LAMB3: variants seen among roughly 807,000 people sequenced by gnomAD.
The protein encoded by LAMB3 is laminin subunit beta-3.
LAMB3 carries 104 observed loss-of-function variants against 140.3 expected under a neutral mutation model. That is an observed-to-expected ratio of 0.74 (90% CI 0.63 to 0.87). LAMB3 has a LOEUF of 0.87. Ranked by LOEUF, LAMB3 falls within the 40% of genes least tolerant of loss-of-function variation. LAMB3 has a pLI of 0.00. For synonymous variants in LAMB3, 592 were observed against 602.9 expected (o/e 0.98, Z 0.26); for missense variants, 1,531 against 1,575.2 (o/e 0.97, Z 0.47).
Position 209,630,720 on chromosome 1 carries a change from C to T in LAMB3, c.838G>A (p.Val280Ile). ...GGGCCGGCAGTGTTGTGCTGGCAGA[C>T]ACAGACATCGTGGACCTGGGAGGGG... ...STAVQVHDVCVCQHNTAGPNC... is the reference protein window; with the variant it reads ...STAVQVHDVCICQHNTAGPNC... The change falls in exon 9 of 23, where the codon GTC becomes ATC. Residue 280 changes from valine (V) to isoleucine (I), a missense_variant. Physicochemically the swap from Val to Ile is conservative, Grantham distance 29. Coordinates refer to ENST00000356082, the MANE Select transcript of LAMB3 (RefSeq NM_000228.3). 2 of 1,613,988 alleles carry T rather than the reference C, an allele frequency of 1.2e-6. No homozygotes were observed. The highest frequency in any genetic ancestry group is 1.1e-5 in the South Asian group (1 of 91,078).
At chr1:209,647,941 A>G (rs1258699058) in intron 3 of LAMB3, among the ~76,000 whole-genome samples, 1 of 152,264 alleles carries the variant, frequency 6.6e-6, no homozygotes, top group East Asian at 1.9e-4. Flanking sequence ...GTATCATTTA[A>G]TAACAAAATA....
chr1:209,636,591 C>T (rs1252056765), intron 5 of LAMB3, among the ~76,000 whole-genome samples: 2 of 152,210 alleles, frequency 1.3e-5, no homozygotes, highest in Non-Finnish European at 2.9e-5. Context: ...CTCCACATCC[C>T]TGCCTCTTGC....
At chr1:209,642,502 G>T (rs1410717192) in intron 3 of LAMB3, among the ~76,000 whole-genome samples, 1 of 151,714 alleles carries the variant, frequency 6.6e-6, no homozygotes, top group Admixed American at 6.6e-5. Flanking sequence ...TTGAGATAGG[G>T]TCTCACTCTC....
intron 14 of LAMB3, 74 bp from the exon 15 acceptor site, chr1:209,624,074 G>T: frequency 7.5e-7 from 1 of 1,336,188 alleles, no homozygotes; most frequent in South Asian, 1.2e-5. Context: ...TCCCCTCAGA[G>T]CAACTGCTAC....
rs147527725 is a variant in LAMB3 at position 209,617,570 on chromosome 1, C to T, written c.3068G>A (p.Arg1023Gln). 2.9e-4 allele frequency: 470 copies of T among 1,613,986 alleles called. No homozygotes were observed. Among genetic ancestry groups the T allele is most frequent in the Admixed American group, 5.0e-4 (30 of 60,020 alleles). ...GCTTGTCACCAGCTTTTCTGCTGGC[C>T]GCAGTACCTGCTGAACCTTTGTGGA... ...DRVAEVQQVL[R>Q]PAEKLVTSMT... Residue 1023 changes from arginine (R) to glutamine (Q), a missense_variant, in exon 21 of 23, where the codon CGG becomes CAG. By Grantham distance (43) the Arg-to-Gln change is conservative. Transcript: ENST00000356082.
chr1:209,650,961 G>A lies in LAMB3; in HGVS notation c.-17C>T. On this transcript the variant is annotated 5_prime_UTR_variant, in exon 2 of 23. Transcript: ENST00000356082. ...TGGTCTCATCTTCAGCCAATGGGGT[G>A]ATCCCCAGAAAGGACCTTTCCTAGG... 1.2e-6 allele frequency: 2 copies of A among 1,613,986 alleles called. No homozygotes were observed. The highest frequency in any genetic ancestry group is 1.6e-4 in the Middle Eastern group (1 of 6,062).
At chr1:209,630,823 C>T (rs1488812589) in intron 8 of LAMB3, 88 bp from the exon 9 acceptor site, 6 of 1,472,072 alleles carry the variant, frequency 4.1e-6, no homozygotes, top group Non-Finnish European at 5.6e-6. Flanking sequence ...ACCCTCTGCG[C>T]ACCACTCAGG....
At chr1:209,622,860 A>G in intron 17 of LAMB3, 122 bp downstream of exon 17, 3 of 1,361,440 alleles carry the variant, frequency 2.2e-6, no homozygotes, top group Non-Finnish European at 3.1e-6. Flanking sequence ...TTGCTGTGGC[A>G]CCTTAAGCAG....
intron 3 of LAMB3, among the ~76,000 whole-genome samples, chr1:209,645,354 A>G (rs2102458160): frequency 6.6e-6 from 1 of 152,246 alleles, no homozygotes; most frequent in South Asian, 2.1e-4. Context: ...GCTTCATCCA[A>G]AACAGTAAAC....
Position 209,628,088 on chromosome 1 carries a change from A to G in LAMB3, c.1235T>C (p.Leu412Pro). ...KEHVQGERCD[L>P]CKPGFTGLTY... ...GAGTCCAGTGAAGCCCGGCTTGCAT[A>G]GGTCACAGCGCTCTCCCTGCACATG... The change falls in exon 11 of 23, where the codon CTA (leucine) becomes CCA (proline). Residue 412 changes from leucine (L) to proline (P), a missense_variant. Physicochemically the swap from Leu to Pro is moderately conservative, Grantham distance 98. Coordinates refer to ENST00000356082, the MANE Select transcript of LAMB3 (RefSeq NM_000228.3). 6.2e-7 allele frequency: 1 copy of G among 1,605,278 alleles called. No individual in the cohort carries two copies. The highest frequency in any genetic ancestry group is 8.5e-7 in the Non-Finnish European group (1 of 1,175,696).
intron 21 of LAMB3, 119 bp from the exon 22 acceptor site, chr1:209,616,743 C>T (rs1259712437): frequency 1.4e-5 from 13 of 946,722 alleles, no homozygotes; most frequent in Non-Finnish European, 2.2e-5. Context: ...TCCTATTAGC[C>T]CCCAATAGCA....
intron 19 of LAMB3, 151 bp from the exon 20 acceptor site, chr1:209,618,199 A>C: frequency 9.5e-7 from 1 of 1,057,282 alleles, no homozygotes. Flanking sequence ...TTGATGTCCC[A>C]GGACCCCACC....
chr1:209,651,277 A>T, intron 1 of LAMB3: 1 of 401,210 alleles, frequency 2.5e-6, no homozygotes, highest in South Asian at 2.3e-5. Context: ...CCTACCCCAC[A>T]CAGCCGTAAG....
At chr1:209,618,133 A>G in intron 19 of LAMB3, 85 bp from the exon 20 acceptor site, 1 of 1,540,162 alleles carries the variant, frequency 6.5e-7, no homozygotes, top group East Asian at 2.2e-5. Context: ...CACCAGTCCA[A>G]AAGAACACCC....
Position 209,617,440 on chromosome 1 carries a change from A to G in LAMB3, c.3198T>C (p.Gly1066=). Residue 1066 remains glycine, a synonymous_variant, in exon 21 of 23, where the codon GGT becomes GGC. Transcript: ENST00000356082. ...GGGCACTCAATGCCTGCTCGCTGGC[A>G]CCTTCCGCAAGCTGCTGGGCCTGGA... ...EAVQAQQLAE[G]ASEQALSAQE... The G allele has an allele frequency of 1.2e-6, 2 of 1,612,906 alleles. No homozygotes were observed. The highest frequency in any genetic ancestry group is 2.2e-5 in the South Asian group (2 of 91,032).
intron 8 of LAMB3, 34 bp from the exon 9 acceptor site, chr1:209,630,769 CAACAAAG>C: frequency 6.2e-7 from 1 of 1,611,818 alleles, no homozygotes; most frequent in Non-Finnish European, 8.5e-7. Flanking sequence ...CAGGAGTAAT[CAACAAAG>C]AAGGGCACCA....
intron 3 of LAMB3, 40 bp downstream of exon 3, chr1:209,649,924 C>T (rs754134870): frequency 6.2e-7 from 1 of 1,611,594 alleles, no homozygotes; most frequent in Non-Finnish European, 8.5e-7. Flanking sequence ...ACACACCCCT[C>T]CCATCCCGCC....
At chr1:209,626,797 C>T in intron 13 of LAMB3, 70 bp downstream of exon 13, 1 of 1,121,716 alleles carries the variant, frequency 8.9e-7, no homozygotes, top group Non-Finnish European at 1.3e-6. Context: ...GACCTACACG[C>T]CCCCACCATG....
At chr1:209,618,196 C>A in intron 19 of LAMB3, 148 bp from the exon 20 acceptor site, 1 of 1,057,320 alleles carries the variant, frequency 9.5e-7, no homozygotes. Flanking sequence ...GCTTTGATGT[C>A]CCAGGACCCC....
Sources: gnomAD v4.1 joint callset for allele counts (sites outside exome capture counted in the v4.1 genomes callset) on GRCh38, gnomAD v4.1.1 for gene constraint, MANE v1.5 for transcripts, NCBI Gene and HGNC (gene_info 2026-07-23, HGNC 2026-07-21) for gene names.